Variants in NUDT19 observed in about 807,000 individuals in gnomAD.
The protein encoded by NUDT19 is acyl-coenzyme A diphosphatase NUDT19.
NUDT19 carries 31 observed loss-of-function variants against 22.2 expected under a neutral mutation model. That is an observed-to-expected ratio of 1.40 (90% confidence interval 1.05 to 1.89). The LOEUF (loss-of-function observed/expected upper bound fraction) is 1.89, where lower values mean the gene tolerates loss of function less well. Among genes scored for constraint, NUDT19 ranks in the 40% most tolerant of loss-of-function variants. The probability of loss-of-function intolerance (pLI) is 0.00; values close to 1 mark genes in which losing one functional copy is unlikely to be tolerated. For missense variants in NUDT19, 752 were observed against 514.2 expected (o/e 1.46, Z -4.47); for synonymous variants, 325 against 230.8 (o/e 1.41, Z -3.70).
chr19:32,695,393 T>C (rs1229126636), intron 1 of NUDT19, among the ~76,000 whole-genome samples: 3 of 152,188 alleles, frequency 2.0e-5, no homozygotes, highest in African/African-American at 7.2e-5. Flanking sequence ...TTGGCCAAGT[T>C]GGTCTCAAAC....
At chr19:32,708,145 C>CA (rs1223120626) in intron 1 of NUDT19, among the ~76,000 whole-genome samples, 2,914 of 92,944 alleles carry the variant, frequency 0.031, 99 homozygotes, top group African/African-American at 0.1. Flanking sequence ...AGTACTCGGT[C>CA]AAAAAAAAAA....
At position 32,712,260 on chromosome 19, in the gene NUDT19, G is replaced by T. The variant is rs1003452769; in HGVS notation, c.*303G>T. On this transcript the variant is annotated 3_prime_UTR_variant, in exon 3 of 3. Transcript: ENST00000397061. ...CAGCTAATTTTTTTTTGTATTTTTA[G>T]TAGAGACGGGTTTTCACCGTGTTAG... 4.1e-6 allele frequency: 1 copy of T among 241,038 alleles called. No individual in the cohort carries two copies. The highest frequency in any genetic ancestry group is 5.7e-5 in the South Asian group (1 of 17,668). 14.9% of individuals were successfully genotyped at this position (241,038 alleles called of 1,614,324 possible).
chr19:32,692,363 G>GAGGC lies in NUDT19; in HGVS notation c.404_407dup (p.Val138GlyfsTer77). 6.3e-7 allele frequency: 1 copy of GAGGC among 1,590,034 alleles called. No homozygotes were observed. The highest frequency in any genetic ancestry group is 8.5e-7 in the Non-Finnish European group (1 of 1,175,932). Reference sequence around the variant, plus strand: ...CTGCGCCGTGCGGGAGGCCTTTGAGGAGGCGGGCGTGCTGCTGCTGCGGCC... The same window carrying GAGGC: ...CTGCGCCGTGCGGGAGGCCTTTGAGGAGGCAGGCGGGCGTGCTGCTGCTGCGGCC... On this transcript the variant is annotated frameshift_variant, in exon 1 of 3. Coordinates refer to ENST00000397061, the MANE Select transcript of NUDT19 (RefSeq NM_001105570.2). LOFTEE classifies it high-confidence loss of function.
intron 1 of NUDT19, among the ~76,000 whole-genome samples, chr19:32,696,599 A>G (rs1968266224): frequency 6.6e-6 from 1 of 152,198 alleles, no homozygotes; most frequent in African/African-American, 2.4e-5. Context: ...TGTTCCCCAT[A>G]TTCATGTAGA....
At chr19:32,695,304 G>A (rs990013962) in intron 1 of NUDT19, among the ~76,000 whole-genome samples, 22 of 152,018 alleles carry the variant, frequency 1.4e-4, no homozygotes, top group African/African-American at 4.1e-4. Context: ...CTCAGCCTCT[G>A]GAGTAGCTGG....
At position 32,713,534 on chromosome 19, in the gene NUDT19, G is replaced by A. The variant is rs1416082510; in HGVS notation, c.*1577G>A. ...TTTGTATTCCACACTGTTAATGAAT[G>A]TAAAGAGGTTAGAAATGTAGTGTTT... On this transcript the variant is annotated 3_prime_UTR_variant, in exon 3 of 3. Transcript: ENST00000397061. 2.0e-5 allele frequency: 3 copies of A among 152,272 alleles called. No homozygotes were observed. The highest frequency in any genetic ancestry group is 4.4e-5 in the Non-Finnish European group (3 of 68,024). The allele number at this position is 152,272 out of a possible 1,614,324, so 9.4% of individuals were successfully genotyped here.
chr19:32,692,544 A>G lies in NUDT19; in HGVS notation c.584A>G (p.His195Arg). 2 of 1,594,818 alleles carry G rather than the reference A, an allele frequency of 1.3e-6. No homozygotes were observed. Among genetic ancestry groups the G allele is most frequent in the Non-Finnish European group, 1.7e-6 (2 of 1,172,832 alleles). Residue 195 changes from histidine to arginine, a missense_variant, in exon 1 of 3, where the codon CAC (histidine) becomes CGC (arginine). Transcript: ENST00000397061. ...LDCTPDIWAL[H>R]NWSAWLTPFL... The stretch of plus-strand genomic sequence containing the variant: ...TGCACACCCGACATCTGGGCGCTGC[A>G]CAACTGGAGCGCCTGGCTCACCCCT...
intron 1 of NUDT19, among the ~76,000 whole-genome samples, chr19:32,697,793 C>G (rs977944784): frequency 4.6e-5 from 7 of 152,120 alleles, no homozygotes; most frequent in African/African-American, 1.4e-4. Flanking sequence ...GAAGGTTTGC[C>G]CTCGACCCTG....
At chr19:32,699,171 CAG>C (rs1307491279) in intron 1 of NUDT19, among the ~76,000 whole-genome samples, 1 of 152,152 alleles carries the variant, frequency 6.6e-6, no homozygotes, top group Admixed American at 6.5e-5. Flanking sequence ...AAGAAGGTAA[CAG>C]AGTCCTGAAG....
chr19:32,703,748 C>T (rs527486295), intron 1 of NUDT19, among the ~76,000 whole-genome samples: 13 of 141,828 alleles, frequency 9.2e-5, no homozygotes, highest in Middle Eastern at 4.4e-3. Context: ...CTACAACCTC[C>T]GCCTCTCTGG....
chr19:32,692,649 A>G lies in NUDT19; in HGVS notation c.689A>G (p.Asp230Gly). The change falls in exon 1 of 3, where the codon GAC becomes GGC. Residue 230 changes from aspartate (D) to glycine (G), a missense_variant. Coordinates refer to ENST00000397061, the MANE Select transcript of NUDT19 (RefSeq NM_001105570.2). ...CLREPPPVYP[D>G]LAEVVGYQWS... ...CGCGAGCCGCCGCCCGTCTACCCCG[A>G]CTTGGCGGAGGTGGTGGGCTACCAG... The G allele has an allele frequency of 1.3e-6, 2 of 1,519,460 alleles. No homozygotes were observed. Among genetic ancestry groups the G allele is most frequent in the East Asian group, 2.4e-5 (1 of 41,882 alleles). The allele number at this position is 1,519,460 out of a possible 1,614,324, so 94.1% of individuals were successfully genotyped here.
intron 1 of NUDT19, among the ~76,000 whole-genome samples, chr19:32,701,812 A>T (rs1968339101): frequency 6.6e-6 from 1 of 152,136 alleles, no homozygotes; most frequent in Non-Finnish European, 1.5e-5. Flanking sequence ...GATTCATGTT[A>T]GTATATTTTT....
Position 32,711,870 on chromosome 19 carries a change from C to A in NUDT19, c.1041C>A (p.Arg347=), listed in dbSNP as rs548522237. 262 of 1,613,450 alleles carry A rather than the reference C, an allele frequency of 1.6e-4. 6 individuals carry two copies. The South Asian group carries it at 2.8e-3, about 17-fold the overall frequency. Residue 347 remains arginine (R), a synonymous_variant, in exon 3 of 3, where the codon CGC becomes CGA. Coordinates refer to ENST00000397061, the MANE Select transcript of NUDT19 (RefSeq NM_001105570.2). ...KQFHRIVTYH[R]HLYDIHVTVQ... ...TTCACCGGATAGTGACATACCATCG[C>A]CACCTTTATGATATCCACGTGACTG... is the stretch of plus-strand genomic sequence containing the variant.
chr19:32,693,081 AC>A (rs1209070085), intron 1 of NUDT19, among the ~76,000 whole-genome samples: 2 of 152,182 alleles, frequency 1.3e-5, no homozygotes, highest in East Asian at 3.8e-4. Context: ...TGTGTTGCAC[AC>A]CCAGGCTCGT....
chr19:32,709,137 A>C, intron 1 of NUDT19, 48 bp from the exon 2 acceptor site: 2 of 1,312,818 alleles, frequency 1.5e-6, no homozygotes, highest in Non-Finnish European at 2.2e-6. Flanking sequence ...CAAGTCTCAC[A>C]TTGTCTATGG....
intron 1 of NUDT19, among the ~76,000 whole-genome samples, chr19:32,695,332 A>G (rs1968250330): frequency 1.3e-5 from 2 of 152,086 alleles, no homozygotes; most frequent in Non-Finnish European, 1.5e-5. Context: ...GGCGCCCGCC[A>G]CCACACCTGG....
In NUDT19 at chr19:32,692,530, C is replaced by T; in HGVS notation, c.570C>T (p.Asp190=). 5 of 1,586,778 alleles carry T rather than the reference C, an allele frequency of 3.2e-6. No individual in the cohort carries two copies. The highest frequency in any genetic ancestry group is 4.3e-6 in the Non-Finnish European group (5 of 1,169,318). The change falls in exon 1 of 3, where the codon GAC becomes GAT. Residue 190 remains aspartate (D), a synonymous_variant. Transcript: ENST00000397061. ...GCGCCCACCTCGACTGCACACCCGA[C>T]ATCTGGGCGCTGCACAACTGGAGCG... The part of the protein sequence containing the change: ...RLCAHLDCTP[D]IWALHNWSAW...
rs200767135 is a variant in NUDT19 at position 32,692,359 on chromosome 19, T to C, written c.399T>C (p.Phe133=). Residue 133 remains phenylalanine (F), a synonymous_variant, in exon 1 of 3, where the codon TTT becomes TTC. Transcript: ENST00000397061. ...GCATCTGCGCCGTGCGGGAGGCCTT[T>C]GAGGAGGCGGGCGTGCTGCTGCTGC... ...AFRICAVREA[F]EEAGVLLLRP... The C allele has an allele frequency of 1.5e-3, 2,350 of 1,590,310 alleles. 4 individuals carry two copies. Among genetic ancestry groups the C allele is most frequent in the Middle Eastern group, 5.6e-3 (34 of 6,028 alleles).
rs1394613217 is a variant in NUDT19, at chr19:32,692,620, C to T, written c.660C>T (p.Cys220=). 1.9e-6 allele frequency: 3 copies of T among 1,538,698 alleles called. No homozygotes were observed. The highest frequency in any genetic ancestry group is 1.4e-5 in the African/African-American group (1 of 70,430). The change falls in exon 1 of 3, where the codon TGC becomes TGT. Residue 220 remains cysteine (C), a synonymous_variant. Transcript: ENST00000397061. ...RRFDTAFFLC[C]LREPPPVYPD... is the part of the protein sequence containing the mutation. ...TTGACACGGCCTTCTTCCTGTGCTG[C>T]CTGCGCGAGCCGCCGCCCGTCTACC...
Sources: allele counts gnomAD v4.1 joint callset (sites outside exome capture counted in the v4.1 genomes callset), GRCh38; gene constraint gnomAD v4.1.1; transcripts MANE v1.5; gene names NCBI Gene and HGNC (gene_info 2026-07-23, HGNC 2026-07-21).